WDR25: variants seen among roughly 807,000 people sequenced by gnomAD.
WDR25 encodes WD repeat domain 25.
In WDR25, 35 loss-of-function variants were observed where a neutral mutation model predicts 47.7. The ratio of observed to expected loss-of-function variants is 0.73; its 90% CI spans 0.56 to 0.97. The LOEUF is 0.97. WDR25 is among the 50% of genes least tolerant of loss of function. The pLI, the probability that WDR25 is intolerant of heterozygous loss-of-function variation, is 0.00. For synonymous variants in WDR25, 248 were observed against 278.9 expected (o/e 0.89, Z 1.10); for missense variants, 634 against 704.7 (o/e 0.90, Z 1.14).
intron 2 of WDR25, among the ~76,000 whole-genome samples, chr14:100,410,668 CA>C (rs986045344): frequency 5.9e-5 from 9 of 151,880 alleles, no homozygotes; most frequent in Admixed American, 5.2e-4. Context: ...GAATGCAAGG[CA>C]AGATTTGTCT....
chr14:100,417,202 A>G (rs1897892864), intron 2 of WDR25, among the ~76,000 whole-genome samples: 1 of 152,192 alleles, frequency 6.6e-6, no homozygotes, highest in Admixed American at 6.5e-5. Flanking sequence ...TCCTCCGCTC[A>G]TCTCCTCACC....
At chr14:100,451,085 T>G (rs748620525) in intron 2 of WDR25, among the ~76,000 whole-genome samples, 1 of 151,926 alleles carries the variant, frequency 6.6e-6, no homozygotes, top group Non-Finnish European at 1.5e-5. Flanking sequence ...AAAAAGGTAG[T>G]TTTGGAAGCC....
chr14:100,425,731 G>C lies in WDR25; in HGVS notation c.823-42290G>C, dbSNP rs542618910. On this transcript the variant is annotated intron_variant, in intron 2 of 6. Coordinates refer to ENST00000402312, the MANE Select transcript of WDR25 (RefSeq NM_001161476.3). This position sits in a 1 kb window ranked among gnomAD's most constrained non-coding sequence, Gnocchi z 4.8. Reference sequence around the variant, plus strand: ...GACAGGTTTTATTTCAAGGGTCTTTGTTAATCTAATAGTTTTCCCTGGCTG... The same window carrying C: ...GACAGGTTTTATTTCAAGGGTCTTTCTTAATCTAATAGTTTTCCCTGGCTG... 3.3e-5 allele frequency among the ~76,000 whole-genome samples: 5 copies of C among 152,320 alleles called. No homozygotes were observed. Among genetic ancestry groups the C allele is most frequent in the African/African-American group, 1.2e-4 (5 of 41,574 alleles).
At chr14:100,517,139 G>C (rs1365112163) in intron 4 of WDR25, among the ~76,000 whole-genome samples, 1 of 122,998 alleles carries the variant, frequency 8.1e-6, no homozygotes, top group East Asian at 2.3e-4. Context: ...TTTTTGAGAC[G>C]GAGTCTCGCT....
At chr14:100,417,197 C>T (rs767501812) in intron 2 of WDR25, among the ~76,000 whole-genome samples, 10 of 152,350 alleles carry the variant, frequency 6.6e-5, no homozygotes, top group African/African-American at 1.2e-4. Context: ...CAGAGTCCTC[C>T]GCTCATCTCC....
At chr14:100,454,466 G>A (rs1215395653) in intron 2 of WDR25, 2 of 1,286,008 alleles carry the variant, frequency 1.6e-6, no homozygotes, top group Non-Finnish European at 2.0e-6. Context: ...CAGTAATGAA[G>A]CAGTAGTTCT....
At chr14:100,478,823 T>G (rs1328201824) in intron 3 of WDR25, among the ~76,000 whole-genome samples, 1 of 152,254 alleles carries the variant, frequency 6.6e-6, no homozygotes, top group Non-Finnish European at 1.5e-5. Context: ...TTGGCAAGAC[T>G]GTATCACTGC....
chr14:100,421,967 T>C (rs1369212351), intron 2 of WDR25, among the ~76,000 whole-genome samples: 2 of 152,274 alleles, frequency 1.3e-5, no homozygotes, highest in African/African-American at 4.8e-5. Context: ...CTCCTACTCC[T>C]GGAAGGTTGT....
At chr14:100,431,165 A>G (rs1047832068) in intron 2 of WDR25, among the ~76,000 whole-genome samples, 1 of 152,214 alleles carries the variant, frequency 6.6e-6, no homozygotes, top group Non-Finnish European at 1.5e-5. Context: ...TAAAATATTG[A>G]CATGAATTGA....
At chr14:100,390,391 CTGTGTG>C (rs55802109) in intron 2 of WDR25, among the ~76,000 whole-genome samples, 4,616 of 146,456 alleles carry the variant, frequency 0.032, 93 homozygotes, top group African/African-American at 0.059. Context: ...TGACCAAAAG[CTGTGTG>C]TGTGTGTGTG....
chr14:100,426,556 C>T (rs998896471), intron 2 of WDR25, among the ~76,000 whole-genome samples: 4 of 152,230 alleles, frequency 2.6e-5, no homozygotes, highest in African/African-American at 7.2e-5. Flanking sequence ...GTGTTCTCCG[C>T]GTATTTTGCG....
At position 100,449,553 on chromosome 14, in the gene WDR25, G is replaced by A. The variant is rs1270024411; in HGVS notation, c.823-18468G>A. ...TCAGGAGGCCTGTGCCCTGGGACATGGCTATGTATGACAGCCAGGACACTC... is the reference window on the plus strand; with the variant it reads ...TCAGGAGGCCTGTGCCCTGGGACATAGCTATGTATGACAGCCAGGACACTC... On this transcript the variant is annotated intron_variant, in intron 2 of 6. Transcript: ENST00000402312. This position sits in a 1 kb window ranked among gnomAD's most constrained non-coding sequence, Gnocchi z 4.2. 6.6e-6 allele frequency among the ~76,000 whole-genome samples: 1 copy of A among 152,212 alleles called. No individual in the cohort carries two copies. Among genetic ancestry groups the A allele is most frequent in the Non-Finnish European group, 1.5e-5 (1 of 68,038 alleles).
chr14:100,471,117 G>A (rs534962343), intron 3 of WDR25, among the ~76,000 whole-genome samples: 1 of 152,136 alleles, frequency 6.6e-6, no homozygotes, highest in African/African-American at 2.4e-5. Flanking sequence ...TTGGGGAAGC[G>A]CTGCACACAC....
At position 100,506,986 on chromosome 14, in the gene WDR25, C is replaced by T. The variant is rs1901131754; in HGVS notation, c.1102-18884C>T. Among the ~76,000 whole-genome samples, 1 of 152,100 alleles carries T rather than the reference C, an allele frequency of 6.6e-6. No homozygotes were observed. On this transcript the variant is annotated intron_variant, in intron 4 of 6. Transcript: ENST00000402312. This position sits in a 1 kb window ranked among gnomAD's most constrained non-coding sequence, Gnocchi z 4.8. ...TGAGGACTTAGCAATAAATTCTTTC[C>T]TAAGGCTGATGTCCAAAATGATGTT...
intron 2 of WDR25, among the ~76,000 whole-genome samples, chr14:100,465,652 T>C (rs542102490): frequency 6.6e-6 from 1 of 152,378 alleles, no homozygotes; most frequent in Non-Finnish European, 1.5e-5. Context: ...CTATTATTAA[T>C]AATGCTGCTA....
chr14:100,387,962 C>T (rs111611479), intron 2 of WDR25, among the ~76,000 whole-genome samples: 4,273 of 152,336 alleles, frequency 0.028, 75 homozygotes, highest in Middle Eastern at 0.054. Flanking sequence ...AATCTGATTA[C>T]ATTAAGATAT....
chr14:100,383,359 G>T (rs1054870482), intron 2 of WDR25, among the ~76,000 whole-genome samples: 9 of 152,216 alleles, frequency 5.9e-5, no homozygotes, highest in Admixed American at 5.9e-4. Flanking sequence ...TGGCCCCGGG[G>T]CTTCTCTGCT....
intron 1 of WDR25, among the ~76,000 whole-genome samples, chr14:100,377,516 G>T (rs1402711113): frequency 2.6e-5 from 4 of 151,482 alleles, no homozygotes; most frequent in Non-Finnish European, 5.9e-5. Context: ...CACCATGTTG[G>T]CCAGGCTGGT....
At chr14:100,438,911 C>T (rs963474035) in intron 2 of WDR25, among the ~76,000 whole-genome samples, 2 of 152,222 alleles carry the variant, frequency 1.3e-5, no homozygotes, top group African/African-American at 4.8e-5. Context: ...TCAGAACTGC[C>T]TGGCTGCAAG....
Sources: allele counts gnomAD v4.1 joint callset (sites outside exome capture counted in the v4.1 genomes callset), GRCh38; gene constraint gnomAD v4.1.1; non-coding constraint Gnocchi (gnomAD v3.1); transcripts MANE v1.5; gene names NCBI Gene and HGNC (gene_info 2026-07-23, HGNC 2026-07-21).